Variants in RPGRIP1L observed in about 807,000 individuals in gnomAD.
The protein encoded by RPGRIP1L is RPGRIP1 like.
RPGRIP1L carries 131 observed loss-of-function variants against 160.4 expected under a neutral mutation model. The ratio of observed to expected loss-of-function variants is 0.82; its 90% CI spans 0.71 to 0.94. The LOEUF is 0.94. RPGRIP1L is among the 40% of genes least tolerant of loss of function. RPGRIP1L has a pLI of 0.00. For synonymous variants in RPGRIP1L, 510 were observed against 515.8 expected (o/e 0.99, Z 0.15); for missense variants, 1,522 against 1,535.8 (o/e 0.99, Z 0.15).
At chr16:53,672,740 G>T in intron 8 of RPGRIP1L, 130 bp downstream of exon 8, 1 of 786,580 alleles carries the variant, frequency 1.3e-6, no homozygotes, top group Non-Finnish European at 2.1e-6. Flanking sequence ...ATTTTGCTGT[G>T]CTCAAAACAC....
intron 6 of RPGRIP1L, among the ~76,000 whole-genome samples, chr16:53,676,863 G>A (rs937053021): frequency 1.3e-5 from 2 of 151,968 alleles, no homozygotes; most frequent in African/African-American, 4.8e-5. Context: ...TCGATCTCCT[G>A]ACCTCATAAT....
intron 17 of RPGRIP1L, among the ~76,000 whole-genome samples, chr16:53,645,390 A>C (rs192065211): frequency 6.6e-6 from 1 of 152,108 alleles, no homozygotes; most frequent in Admixed American, 6.5e-5. Context: ...ATTTAATTAA[A>C]TACCTTAAGT....
At chr16:53,671,381 T>C in intron 9 of RPGRIP1L, 129 bp downstream of exon 9, 1 of 667,206 alleles carries the variant, frequency 1.5e-6, no homozygotes, top group Admixed American at 2.5e-5. Context: ...CTTTATACAG[T>C]TTGCATATTT....
At chr16:53,666,663 GA>G (rs112468194) in intron 9 of RPGRIP1L, among the ~76,000 whole-genome samples, 16,361 of 148,738 alleles carry the variant, frequency 0.11, 1,609 homozygotes, top group African/African-American at 0.26. Context: ...GTACCACCCG[GA>G]AAAAAAAATT....
At chr16:53,703,034 C>T (rs1004474370) in intron 1 of RPGRIP1L, among the ~76,000 whole-genome samples, 4 of 152,066 alleles carry the variant, frequency 2.6e-5, no homozygotes, top group East Asian at 1.9e-4. Context: ...TTTGCGAGGC[C>T]GAGACGGGCG....
chr16:53,641,298 C>G lies in RPGRIP1L; in HGVS notation c.2861G>C (p.Ser954Thr). ...VQRLPPASSV[S>T]TLVLAPRPKP... is the part of the protein sequence containing the mutation. ...ACTGATACTCACTAAAACTAGTGTG[C>G]TAACAGAGGATGCTGGAGGAAGTCT... Residue 954 changes from serine to threonine, a missense_variant, in exon 18 of 27, where the codon AGC becomes ACC. By Grantham distance (58) the Ser-to-Thr change is moderately conservative. Coordinates refer to ENST00000647211, the MANE Select transcript of RPGRIP1L (RefSeq NM_015272.5). The G allele has an allele frequency of 6.2e-7, 1 of 1,613,890 alleles. No individual in the cohort carries two copies. Among genetic ancestry groups the G allele is most frequent in the Non-Finnish European group, 8.5e-7 (1 of 1,179,900 alleles).
chr16:53,623,402 CTCTAATCTCTTGTCTGCAGTCCCAA>C (rs1964870175), intron 22 of RPGRIP1L, among the ~76,000 whole-genome samples: 1 of 152,162 alleles, frequency 6.6e-6, no homozygotes, highest in African/African-American at 2.4e-5. Flanking sequence ...AGGCACTCAT[CTCTAATCTCTTGTCTGCAGTCCCAA>C]CCATTCTCCT....
chr16:53,617,073 CA>C (rs397945611), intron 24 of RPGRIP1L, among the ~76,000 whole-genome samples: 4,303 of 21,694 alleles, frequency 0.2, 32 homozygotes, highest in Non-Finnish European at 0.25. Context: ...CCTTGCATCA[CA>C]AAAAAAAAAA....
In RPGRIP1L at chr16:53,669,761, C is replaced by G. The variant is rs1473414967; in HGVS notation, c.1103+1749G>C. Reference sequence around the variant, plus strand: ...GACATATGTAAATCAGTAAGAATTTCTGGATGTATAACAGTTCTGTTATTC... The same window carrying G: ...GACATATGTAAATCAGTAAGAATTTGTGGATGTATAACAGTTCTGTTATTC... On this transcript the variant is annotated intron_variant, in intron 9 of 26. Coordinates refer to ENST00000647211, the MANE Select transcript of RPGRIP1L (RefSeq NM_015272.5). Among the ~76,000 whole-genome samples, 3 of 152,184 alleles carry G rather than the reference C, an allele frequency of 2.0e-5. No individual in the cohort carries two copies. In the East Asian group the frequency reaches 5.8e-4, roughly 29 times the overall value.
chr16:53,628,171 G>A (rs981573557), intron 22 of RPGRIP1L: 2 of 151,920 alleles, frequency 1.3e-5, no homozygotes, highest in African/African-American at 4.8e-5. Context: ...AAGCCTACCT[G>A]TAGGAGCCAC....
intron 22 of RPGRIP1L, among the ~76,000 whole-genome samples, chr16:53,624,614 A>G (rs879368447): frequency 6.6e-6 from 1 of 152,178 alleles, no homozygotes; most frequent in Non-Finnish European, 1.5e-5. Context: ...AGAAATATAT[A>G]GAACTCTTGC....
intron 3 of RPGRIP1L, among the ~76,000 whole-genome samples, chr16:53,693,116 T>C (rs149775156): frequency 2.6e-5 from 4 of 152,304 alleles, no homozygotes; most frequent in Admixed American, 1.3e-4. Context: ...TGATGTAATA[T>C]ACACGTACGG....
At chr16:53,617,916 T>C (rs1964479020) in intron 24 of RPGRIP1L, among the ~76,000 whole-genome samples, 1 of 152,190 alleles carries the variant, frequency 6.6e-6, no homozygotes, top group Non-Finnish European at 1.5e-5. Flanking sequence ...TGAACTAGCA[T>C]GAGATGGCCC....
intron 22 of RPGRIP1L, chr16:53,635,623 T>C (rs1314045352): frequency 6.6e-6 from 1 of 152,102 alleles, no homozygotes; most frequent in Non-Finnish European, 1.5e-5. Context: ...CTGTGCCTGG[T>C]CTGTGGTTTT....
chr16:53,633,738 G>A (rs190546368), intron 22 of RPGRIP1L, among the ~76,000 whole-genome samples: 113 of 152,300 alleles, frequency 7.4e-4, no homozygotes, highest in African/African-American at 2.7e-3. Flanking sequence ...ACCTAAGTAT[G>A]TGCACTATAT....
intron 9 of RPGRIP1L, among the ~76,000 whole-genome samples, chr16:53,667,593 C>T (rs1003836899): frequency 1.3e-5 from 2 of 152,074 alleles, no homozygotes; most frequent in South Asian, 2.1e-4. Flanking sequence ...AAATTGAAGA[C>T]CCAGTGTGGT....
chr16:53,688,064 G>A, intron 4 of RPGRIP1L, 99 bp from the exon 5 acceptor site: 2 of 751,316 alleles, frequency 2.7e-6, no homozygotes, highest in Non-Finnish European at 4.6e-6. Context: ...AATCTCTTAA[G>A]TATTAAGAGG....
intron 22 of RPGRIP1L, among the ~76,000 whole-genome samples, chr16:53,631,247 A>G (rs530353369): frequency 6.6e-6 from 1 of 152,336 alleles, no homozygotes; most frequent in East Asian, 1.9e-4. Flanking sequence ...CGTTATTGTA[A>G]TCACCTGGGA....
chr16:53,656,391 T>G, intron 14 of RPGRIP1L, 81 bp downstream of exon 14: 1 of 936,578 alleles, frequency 1.1e-6, no homozygotes, highest in Non-Finnish European at 1.8e-6. Flanking sequence ...ACACTGTAAG[T>G]GCAGATTTGG....
Sources: gnomAD v4.1 joint callset for allele counts (sites outside exome capture counted in the v4.1 genomes callset) on GRCh38, gnomAD v4.1.1 for gene constraint, MANE v1.5 for transcripts, NCBI Gene and HGNC (gene_info 2026-07-23, HGNC 2026-07-21) for gene names.